SND1: variants seen among roughly 807,000 people sequenced by gnomAD.
The protein encoded by SND1 is staphylococcal nuclease and tudor domain containing 1.
Under a neutral mutation model 121.7 loss-of-function variants are expected in SND1, and 38 were observed. The ratio of observed to expected loss-of-function variants is 0.31; its 90% CI spans 0.24 to 0.41. SND1 has a LOEUF of 0.41. Ranked by LOEUF, SND1 falls within the 10% of genes least tolerant of loss-of-function variation. The probability of loss-of-function intolerance (pLI) is 1.00; values close to 1 mark genes in which losing one functional copy is unlikely to be tolerated. For missense variants in SND1, 868 were observed against 1,184.6 expected, an observed-to-expected ratio of 0.73 and a Z score of 3.92; for synonymous variants, 401 against 447.4, an observed-to-expected ratio of 0.90 and a Z score of 1.31.
At chr7:127,776,396 A>C (rs1797620894) in intron 10 of SND1, among the ~76,000 whole-genome samples, 1 of 152,240 alleles carries the variant, frequency 6.6e-6, no homozygotes. Context: ...GCTGTGAAAA[A>C]ACAATAAATT....
Position 127,783,324 on chromosome 7 carries a change from A to G in SND1, c.1153-24160A>G, listed in dbSNP as rs73236511. Reference sequence around the variant, plus strand: ...TTTTGAAGCCTTATTAGATACAACAATTTTTGCCCATGGGGAACAGGCTTT... The same window carrying G: ...TTTTGAAGCCTTATTAGATACAACAGTTTTTGCCCATGGGGAACAGGCTTT... On this transcript the variant is annotated intron_variant, in intron 10 of 23. Transcript: ENST00000354725. 3.5e-3 allele frequency among the ~76,000 whole-genome samples: 526 copies of G among 152,260 alleles called. 3 individuals carry two copies. Among genetic ancestry groups the G allele is most frequent in the Admixed American group, 3.5e-3 (53 of 15,286 alleles).
chr7:128,060,132 T>C (rs1421708308), intron 16 of SND1, among the ~76,000 whole-genome samples: 1 of 152,222 alleles, frequency 6.6e-6, no homozygotes, highest in Non-Finnish European at 1.5e-5. Flanking sequence ...TACTCCTTGA[T>C]AACACATTCC....
chr7:127,976,840 G>A (rs934135989), intron 15 of SND1, among the ~76,000 whole-genome samples: 4 of 152,180 alleles, frequency 2.6e-5, no homozygotes, highest in Non-Finnish European at 5.9e-5. Flanking sequence ...TGGGGCTGCT[G>A]CTGAGAGACA....
chr7:127,984,679 A>G (rs1447655199), intron 15 of SND1, among the ~76,000 whole-genome samples: 1 of 152,192 alleles, frequency 6.6e-6, no homozygotes, highest in Non-Finnish European at 1.5e-5. Flanking sequence ...CTGCCCTAAG[A>G]TGCACTGTTT....
chr7:127,845,022 A>T (rs1440210983), intron 12 of SND1, among the ~76,000 whole-genome samples: 6 of 152,214 alleles, frequency 3.9e-5, no homozygotes, highest in African/African-American at 1.4e-4. Flanking sequence ...CCCAATAGCA[A>T]TTCTTACTTT....
At chr7:128,031,403 C>G (rs1332345868) in intron 16 of SND1, 1 of 151,844 alleles carries the variant, frequency 6.6e-6, no homozygotes, top group African/African-American at 2.4e-5. Flanking sequence ...CTCCCGGCGT[C>G]GGCCGCTCCG....
At chr7:128,086,837 C>T in intron 20 of SND1, 101 bp from the exon 21 acceptor site, 1 of 947,072 alleles carries the variant, frequency 1.1e-6, no homozygotes, top group Admixed American at 1.9e-5. Context: ...CAGGGTGGCC[C>T]AGAGTTAGCA....
intron 14 of SND1, among the ~76,000 whole-genome samples, chr7:127,913,273 A>G (rs1800497951): frequency 1.3e-5 from 2 of 152,060 alleles, no homozygotes; most frequent in African/African-American, 2.4e-5. Context: ...TCTGCCATAA[A>G]TTTTTCTAGT....
chr7:127,922,198 T>TTTTTTTTTTTTTTTTTTTG (rs1800731864), intron 14 of SND1, among the ~76,000 whole-genome samples: 4 of 126,868 alleles, frequency 3.2e-5, no homozygotes, highest in African/African-American at 1.2e-4. Context: ...TTTTTTTTTT[T>TTTTTTTTTTTTTTTTTTTG]TTTTTGTTTT....
chr7:127,699,405 G>T (rs1389607808), intron 4 of SND1, among the ~76,000 whole-genome samples: 2 of 152,200 alleles, frequency 1.3e-5, no homozygotes, highest in African/African-American at 2.4e-5. Flanking sequence ...AATAAGTGCA[G>T]TCAAAATTAA....
At chr7:127,685,432 A>T (rs1307836448) in intron 1 of SND1, among the ~76,000 whole-genome samples, 1 of 152,190 alleles carries the variant, frequency 6.6e-6, no homozygotes, top group Non-Finnish European at 1.5e-5. Flanking sequence ...TGAAGCGTGG[A>T]ATTGAGAGTC....
intron 10 of SND1, among the ~76,000 whole-genome samples, chr7:127,730,739 T>C (rs1280496802): frequency 6.6e-6 from 1 of 152,248 alleles, no homozygotes; most frequent in Non-Finnish European, 1.5e-5. Context: ...GCTAACTAAA[T>C]GTCTAGCACA....
intron 14 of SND1, among the ~76,000 whole-genome samples, chr7:127,917,151 T>A (rs1465414479): frequency 6.6e-6 from 1 of 152,102 alleles, no homozygotes; most frequent in Admixed American, 6.5e-5. Flanking sequence ...GTCCTTAGAG[T>A]CTCAATTCTA....
At chr7:128,033,037 C>T (rs980573161) in intron 16 of SND1, among the ~76,000 whole-genome samples, 3 of 152,150 alleles carry the variant, frequency 2.0e-5, no homozygotes, top group Non-Finnish European at 4.4e-5. Flanking sequence ...TGGCCGGAGT[C>T]GCCCCTTGCT....
intron 16 of SND1, among the ~76,000 whole-genome samples, chr7:128,046,135 C>T (rs1353951598): frequency 3.3e-5 from 5 of 152,134 alleles, no homozygotes; most frequent in African/African-American, 1.2e-4. Flanking sequence ...CTTGCTCTAT[C>T]AAACAGGCTG....
At chr7:127,673,371 A>G (rs190361122) in intron 1 of SND1, among the ~76,000 whole-genome samples, 19 of 152,042 alleles carry the variant, frequency 1.2e-4, no homozygotes, top group African/African-American at 3.9e-4. Flanking sequence ...GCTTACAGTG[A>G]TGTGATCTCA....
intron 14 of SND1, among the ~76,000 whole-genome samples, chr7:127,908,318 A>ATGTGTGTGTGTG (rs10579969): frequency 4.3e-5 from 6 of 138,484 alleles, no homozygotes; most frequent in East Asian, 2.1e-4. Flanking sequence ...ATAATAATAA[A>ATGTGTGTGTGTG]TGTGTGTGTG....
At chr7:127,858,838 GTAGT>G (rs1303813006) in intron 12 of SND1, among the ~76,000 whole-genome samples, 2 of 152,212 alleles carry the variant, frequency 1.3e-5, no homozygotes, top group African/African-American at 4.8e-5. Context: ...GTAGAAGAAC[GTAGT>G]TATACTTCCA....
intron 16 of SND1, among the ~76,000 whole-genome samples, chr7:128,039,746 A>T (rs1356678608): frequency 6.6e-6 from 1 of 152,186 alleles, no homozygotes; most frequent in East Asian, 1.9e-4. Flanking sequence ...ATTTTCTCCA[A>T]AGGGAGTGGG....
Sources: allele counts gnomAD v4.1 joint callset (sites outside exome capture counted in the v4.1 genomes callset), GRCh38; gene constraint gnomAD v4.1.1; transcripts MANE v1.5; gene names NCBI Gene and HGNC (gene_info 2026-07-23, HGNC 2026-07-21).